BRINP3: variants seen among roughly 807,000 people sequenced by gnomAD.
BRINP3 encodes the protein BMP/retinoic acid inducible neural specific 3, also known as BMP/retinoic acid-inducible neural-specific protein 3.
A neutral mutation model predicts 71.0 loss-of-function variants in BRINP3; 19 were observed. The observed-to-expected ratio is 0.27, with a 90% CI of 0.19 to 0.39. BRINP3 has a LOEUF of 0.39. Ranked by LOEUF, BRINP3 falls within the 10% of genes least tolerant of loss-of-function variation. BRINP3 has a pLI of 1.00. For missense variants in BRINP3, 959 were observed against 940.8 expected, an observed-to-expected ratio of 1.02 and a Z score of -0.25; for synonymous variants, 380 against 337.7, an observed-to-expected ratio of 1.13 and a Z score of -1.37.
chr1:190,346,262 C>A (rs1262367266), intron 2 of BRINP3, among the ~76,000 whole-genome samples: 1 of 151,754 alleles, frequency 6.6e-6, no homozygotes, highest in African/African-American at 2.4e-5. Flanking sequence ...AATATATAAT[C>A]AAAAAAGTGA....
intron 2 of BRINP3, among the ~76,000 whole-genome samples, chr1:190,366,136 T>G (rs1027976317): frequency 6.6e-6 from 1 of 152,054 alleles, no homozygotes. Flanking sequence ...TCTCAGTGTA[T>G]TAGTCTGTTC....
chr1:190,291,378 T>C (rs1037130864), intron 2 of BRINP3, among the ~76,000 whole-genome samples: 6 of 151,860 alleles, frequency 4.0e-5, no homozygotes, highest in Non-Finnish European at 7.4e-5. Flanking sequence ...ACAAAGGAAA[T>C]AATATACAGA....
chr1:190,160,070 A>G (rs1197863544), intron 7 of BRINP3, among the ~76,000 whole-genome samples: 3 of 152,080 alleles, frequency 2.0e-5, no homozygotes, highest in Non-Finnish European at 4.4e-5. Context: ...ATAGATAAAT[A>G]CAACTTTTTA....
At chr1:190,316,269 A>G (rs1665874572) in intron 2 of BRINP3, among the ~76,000 whole-genome samples, 1 of 152,116 alleles carries the variant, frequency 6.6e-6, no homozygotes, top group Non-Finnish European at 1.5e-5. Flanking sequence ...TTACAATCCA[A>G]TGAGGTAGAT....
intron 4 of BRINP3, among the ~76,000 whole-genome samples, chr1:190,258,115 C>T (rs2102847291): frequency 6.6e-6 from 1 of 152,362 alleles, no homozygotes; most frequent in African/African-American, 2.4e-5. Context: ...GGCAGTAGGC[C>T]ATGCTGAACT....
At chr1:190,350,343 C>T (rs1012993269) in intron 2 of BRINP3, among the ~76,000 whole-genome samples, 3 of 152,016 alleles carry the variant, frequency 2.0e-5, no homozygotes, top group Non-Finnish European at 2.9e-5. Flanking sequence ...ACTTAGATTC[C>T]CAGAAAAGTT....
intron 7 of BRINP3, among the ~76,000 whole-genome samples, chr1:190,113,768 T>A (rs1159314526): frequency 6.6e-6 from 1 of 152,128 alleles, no homozygotes; most frequent in Non-Finnish European, 1.5e-5. Flanking sequence ...GACAGAACAA[T>A]GGCTGGATTT....
intron 2 of BRINP3, chr1:190,302,883 T>C (rs1664836605): frequency 6.6e-6 from 1 of 151,844 alleles, no homozygotes; most frequent in African/African-American, 2.4e-5. Context: ...TACTATTATA[T>C]GTCCTTGTTA....
intron 4 of BRINP3, among the ~76,000 whole-genome samples, chr1:190,238,527 T>C (rs372387237): frequency 6.6e-6 from 1 of 152,084 alleles, no homozygotes; most frequent in Non-Finnish European, 1.5e-5. Context: ...TCCAGTAATT[T>C]TGAAATAGTT....
chr1:190,301,037 TAA>T (rs1664645689), intron 2 of BRINP3, among the ~76,000 whole-genome samples: 1 of 151,628 alleles, frequency 6.6e-6, no homozygotes, highest in African/African-American at 2.4e-5. Context: ...GAAAAAAATT[TAA>T]AGAGTTACTT....
intron 2 of BRINP3, among the ~76,000 whole-genome samples, chr1:190,344,683 A>T (rs1667897386): frequency 2.0e-5 from 3 of 151,886 alleles, no homozygotes. Context: ...TCAAGTGTTC[A>T]CTGATAATCA....
chr1:190,433,544 TCAC>T (rs1257142247), intron 2 of BRINP3, among the ~76,000 whole-genome samples: 5 of 152,192 alleles, frequency 3.3e-5, no homozygotes, highest in Admixed American at 1.3e-4. Context: ...CAGTTCAGTA[TCAC>T]CTTTTCAGAG....
At chr1:190,177,799 G>A (rs569956508) in intron 6 of BRINP3, among the ~76,000 whole-genome samples, 2 of 152,216 alleles carry the variant, frequency 1.3e-5, no homozygotes, top group South Asian at 2.1e-4. Context: ...TATTTCACAC[G>A]CACTGCAGTT....
chr1:190,249,684 G>A (rs942213902), intron 4 of BRINP3, among the ~76,000 whole-genome samples: 3 of 151,726 alleles, frequency 2.0e-5, no homozygotes, highest in Non-Finnish European at 2.9e-5. Flanking sequence ...AAATGTGAAC[G>A]CGTTTGAGAA....
chr1:190,314,283 G>T (rs906487406), intron 2 of BRINP3, among the ~76,000 whole-genome samples: 4 of 152,048 alleles, frequency 2.6e-5, no homozygotes, highest in East Asian at 3.9e-4. Flanking sequence ...GTTTCCTGGA[G>T]AAGTAAATAT....
intron 6 of BRINP3, among the ~76,000 whole-genome samples, chr1:190,223,000 A>C (rs1027917331): frequency 1.3e-5 from 2 of 151,942 alleles, no homozygotes; most frequent in Non-Finnish European, 2.9e-5. Flanking sequence ...TTAACAAGCC[A>C]AAAATCAATA....
intron 2 of BRINP3, among the ~76,000 whole-genome samples, chr1:190,393,110 T>A (rs937139098): frequency 2.0e-5 from 3 of 151,608 alleles, no homozygotes; most frequent in Non-Finnish European, 4.4e-5. Flanking sequence ...TTTTGTTGTA[T>A]TTCTAATATT....
At chr1:190,345,703 C>T (rs1409285592) in intron 2 of BRINP3, among the ~76,000 whole-genome samples, 1 of 122,594 alleles carries the variant, frequency 8.2e-6, no homozygotes, top group Non-Finnish European at 1.6e-5. Context: ...ACCAAATAGC[C>T]ATTTACCTTC....
At chr1:190,340,271 G>A (rs542709506) in intron 2 of BRINP3, among the ~76,000 whole-genome samples, 1 of 151,890 alleles carries the variant, frequency 6.6e-6, no homozygotes, top group South Asian at 2.1e-4. Flanking sequence ...TAGAAAAATG[G>A]AGGACACTCC....
Sources: allele counts gnomAD v4.1 joint callset (sites outside exome capture counted in the v4.1 genomes callset), GRCh38; gene constraint gnomAD v4.1.1; transcripts MANE v1.5; gene names NCBI Gene and HGNC (gene_info 2026-07-23, HGNC 2026-07-21).